The following TRPA1 variants were observed in gnomAD, a reference collection of about 807,000 sequenced individuals.
TRPA1 encodes transient receptor potential cation channel subfamily A member 1.
A neutral mutation model predicts 131.3 loss-of-function variants in TRPA1; 129 were observed. The ratio of observed to expected loss-of-function variants is 0.98; its 90% CI spans 0.85 to 1.14. The LOEUF is 1.14. Ranked by LOEUF, TRPA1 falls within the 50% of genes most tolerant of loss-of-function variation. The probability of loss-of-function intolerance (pLI) is 0.00; values close to 1 mark genes in which losing one functional copy is unlikely to be tolerated. For missense variants in TRPA1, 1,304 were observed against 1,354.2 expected (o/e 0.96, Z 0.58); for synonymous variants, 441 against 451.7 (o/e 0.98, Z 0.30).
intron 3 of TRPA1, among the ~76,000 whole-genome samples, chr8:72,066,202 T>C (rs1805928796): frequency 6.6e-6 from 1 of 152,202 alleles, no homozygotes; most frequent in South Asian, 2.1e-4. Flanking sequence ...AAGCAATTTT[T>C]CTGATGGAAT....
chr8:72,046,456 TAAAAAAAA>T (rs11349767), intron 17 of TRPA1, 49 bp downstream of exon 17: 2 of 832,202 alleles, frequency 2.4e-6, no homozygotes, highest in African/African-American at 2.2e-5. Flanking sequence ...TAAAGTATAA[TAAAAAAAA>T]AAAAAGAAAA....
chr8:72,027,471 G>C (rs1563380315), intron 24 of TRPA1, among the ~76,000 whole-genome samples: 1 of 152,124 alleles, frequency 6.6e-6, no homozygotes, highest in Non-Finnish European at 1.5e-5. Flanking sequence ...AAATGTTTAT[G>C]GACTGTCTGC....
intron 20 of TRPA1, among the ~76,000 whole-genome samples, chr8:72,037,330 G>T (rs1200165473): frequency 6.6e-6 from 1 of 152,018 alleles, no homozygotes; most frequent in Non-Finnish European, 1.5e-5. Context: ...TAATATTCAT[G>T]AACATATACA....
chr8:72,047,200 A>G lies in TRPA1; in HGVS notation c.1913T>C (p.Leu638Ser). ...EYLPECMKVL[L>S]DFCMLHSTED... is the part of the protein sequence containing the mutation. ...TGTGGAATGCAACATGCAGAAATCTAAAAGTACCTTTGAAAGAGAAAAACC... is the reference window on the plus strand; with the variant it reads ...TGTGGAATGCAACATGCAGAAATCTGAAAGTACCTTTGAAAGAGAAAAACC... Residue 638 changes from leucine (L) to serine (S), a missense_variant, in exon 16 of 27, where the codon TTA becomes TCA. Transcript: ENST00000262209. The G allele has an allele frequency of 6.2e-7, 1 of 1,611,108 alleles. No individual in the cohort carries two copies. The highest frequency in any genetic ancestry group is 8.5e-7 in the Non-Finnish European group (1 of 1,177,870).
Position 72,039,805 on chromosome 8 carries a change from A to G in TRPA1, c.2062-8T>C. ...GTTATTTTGTACCATTGCCTGAGAA[A>G]TAAAAAAAAGTGTAATAAAAACACA... On this transcript the variant is annotated splice_region_variant and splice_polypyrimidine_tract_variant and intron_variant, in intron 17 of 26. Coordinates refer to ENST00000262209, the MANE Select transcript of TRPA1 (RefSeq NM_007332.3). The G allele has an allele frequency of 1.3e-6, 2 of 1,593,074 alleles. No individual in the cohort carries two copies. Among genetic ancestry groups the G allele is most frequent in the South Asian group, 1.1e-5 (1 of 90,632 alleles).
chr8:72,027,857 T>TG (rs146976578), intron 24 of TRPA1, among the ~76,000 whole-genome samples: 2,795 of 152,234 alleles, frequency 0.018, 116 homozygotes, highest in African/African-American at 0.063. Flanking sequence ...ATAGAAAATA[T>TG]GGGGGGTACT....
At chr8:72,083,599 C>T in the TRPA1 span, among the ~76,000 whole-genome samples, 14 of 151,144 alleles carry the variant, frequency 9.3e-5, no homozygotes, top group South Asian at 2.1e-4. Context: ...AAAAATTAGC[C>T]GGGCATGGTG....
rs1480646194 is a variant in TRPA1, at chr8:72,074,821, G to T, written c.111+478C>A. ...TTTTATTGGGGACATTTTCTGCAAC[G>T]CTCTAAGTGCAGACAATTGGTTTAT... On this transcript the variant is annotated intron_variant, in intron 1 of 26. Transcript: ENST00000262209. 2.6e-5 allele frequency among the ~76,000 whole-genome samples: 4 copies of T among 152,108 alleles called. No individual in the cohort carries two copies. The South Asian group carries it at 8.3e-4, about 32-fold the overall frequency.
At chr8:72,057,547 T>C (rs1018015872) in intron 9 of TRPA1, among the ~76,000 whole-genome samples, 170 bp downstream of exon 9, 1 of 152,244 alleles carries the variant, frequency 6.6e-6, no homozygotes, top group Non-Finnish European at 1.5e-5. Flanking sequence ...CAGAAAATTA[T>C]TCTAGACATG....
chr8:72,026,420 G>C (rs185564668), intron 24 of TRPA1, among the ~76,000 whole-genome samples: 1 of 152,322 alleles, frequency 6.6e-6, no homozygotes, highest in Non-Finnish European at 1.5e-5. Context: ...AGAAGAAAAG[G>C]GTAGTTCATA....
chr8:72,052,468 A>T, intron 14 of TRPA1, 131 bp downstream of exon 14: 1 of 1,088,956 alleles, frequency 9.2e-7, no homozygotes, highest in South Asian at 1.4e-5. Flanking sequence ...TAAAAAATTG[A>T]TGTAAACAAC....
chr8:72,066,228 T>C (rs904061732), intron 3 of TRPA1, among the ~76,000 whole-genome samples: 2 of 152,244 alleles, frequency 1.3e-5, no homozygotes, highest in African/African-American at 2.4e-5. Flanking sequence ...TGAAGATCTG[T>C]TACCTCCTCA....
At position 72,075,331 on chromosome 8, in the gene TRPA1, C is replaced by A. The variant is rs1402877991; in HGVS notation, c.79G>T (p.Asp27Tyr). The A allele has an allele frequency of 5.0e-6, 8 of 1,613,320 alleles. No homozygotes were observed. The highest frequency in any genetic ancestry group is 6.8e-6 in the Non-Finnish European group (8 of 1,179,822). ...PQGVVYEDVP[D>Y]DTEDFKESLK... The stretch of plus-strand genomic sequence containing the variant: ...GATTCCTTGAAATCCTCCGTGTCGT[C>A]CGGCACATCCTCATAGACAACGCCC... Residue 27 changes from aspartate to tyrosine, a missense_variant, in exon 1 of 27, where the codon GAC (aspartate) becomes TAC (tyrosine). Transcript: ENST00000262209.
upstream of TRPA1, among the ~76,000 whole-genome samples, chr8:72,079,071 T>G (rs1806241267): frequency 6.6e-6 from 1 of 152,024 alleles, no homozygotes; most frequent in African/African-American, 2.4e-5. Context: ...TATTAAATTC[T>G]TTTGCCTCTT....
At chr8:72,076,991 T>C (rs182404019), upstream of TRPA1, among the ~76,000 whole-genome samples, 25 of 152,102 alleles carry the variant, frequency 1.6e-4, no homozygotes, top group East Asian at 4.5e-3. Context: ...AATCCCAGGG[T>C]TGGGTAAAAA....
intron 6 of TRPA1, 114 bp from the exon 7 acceptor site, chr8:72,061,875 AGGCTGATCAC>A: frequency 8.9e-7 from 1 of 1,121,612 alleles, no homozygotes; most frequent in Non-Finnish European, 1.3e-6. Flanking sequence ...AATATCTATC[AGGCTGATCAC>A]CATTAATCAT....
At chr8:72,059,863 T>A (rs886724634) in intron 7 of TRPA1, among the ~76,000 whole-genome samples, 1 of 152,170 alleles carries the variant, frequency 6.6e-6, no homozygotes, top group East Asian at 1.9e-4. Flanking sequence ...GGGCTTCTCT[T>A]TGGCAAAAGT....
chr8:72,046,642 A>G (rs748308199), intron 16 of TRPA1, 34 bp from the exon 17 acceptor site: 3 of 1,162,532 alleles, frequency 2.6e-6, no homozygotes, highest in Admixed American at 3.5e-5. Flanking sequence ...AAAAAAATGT[A>G]CAGTTAGTCA....
Position 72,033,706 on chromosome 8 carries a change from G to A in TRPA1, c.2806C>T (p.Leu936=). ...AAGGAAACAAGTTGTGCAAAGGACA[G>A]AACTGGATGTGCCAATTCATTTCTC... ...YLRNELAHPV[L]SFAQLVSFTI... is the part of the protein sequence containing the mutation. The change falls in exon 23 of 27, where the codon CTG becomes TTG. Residue 936 remains leucine, a synonymous_variant. Coordinates refer to ENST00000262209, the MANE Select transcript of TRPA1 (RefSeq NM_007332.3). 1 of 1,614,136 alleles carries A rather than the reference G, an allele frequency of 6.2e-7. No individual in the cohort carries two copies. The highest frequency in any genetic ancestry group is 2.2e-5 in the East Asian group (1 of 44,862).
Sources: gnomAD v4.1 joint callset for allele counts (sites outside exome capture counted in the v4.1 genomes callset) on GRCh38, gnomAD v4.1.1 for gene constraint, MANE v1.5 for transcripts, NCBI Gene and HGNC (gene_info 2026-07-23, HGNC 2026-07-21) for gene names.